The following TUT7 variants were observed in gnomAD, a reference collection of about 807,000 sequenced individuals.
TUT7 encodes terminal uridylyl transferase 7.
A neutral mutation model predicts 165.9 loss-of-function variants in TUT7; 33 were observed. The ratio of observed to expected loss-of-function variants is 0.20; its 90% confidence interval spans 0.15 to 0.27. The LOEUF is 0.27. Among genes scored for constraint, TUT7 ranks in the 10% least tolerant of loss-of-function variants. The pLI is 1.00. For synonymous variants in TUT7, 552 were observed against 608.1 expected (o/e 0.91, Z 1.36); for missense variants, 1,338 against 1,762.3 (o/e 0.76, Z 4.31).
In TUT7 at chr9:86,323,496, T is replaced by C. The variant is rs576337306; in HGVS notation, c.2254A>G (p.Lys752Glu). The C allele has an allele frequency of 5.0e-6, 8 of 1,614,256 alleles. No homozygotes were observed. The South Asian group carries it at 7.7e-5, about 16-fold the overall frequency. The change falls in exon 13 of 27, where the codon AAA becomes GAA. Residue 752 changes from lysine to glutamate, a missense_variant. Lys to Glu is a moderately conservative substitution (Grantham distance 56). Transcript: ENST00000375963. ...TTGCCCTTCCTTCCAACTTTCTCTT[T>C]CTCGTTTTTCCTTCCTGTTTCTGGA... Reference protein sequence around the residue: ...YHPETGRKNEKEKVGRKGKHL... With the variant: ...YHPETGRKNEEEKVGRKGKHL...
chr9:86,334,671 T>C (rs1410659541), intron 10 of TUT7, among the ~76,000 whole-genome samples: 1 of 152,206 alleles, frequency 6.6e-6, no homozygotes, highest in Admixed American at 6.5e-5. Context: ...GCTCCTTTCA[T>C]GCCAAACTAA....
At chr9:86,312,570 T>C (rs1286268540) in intron 17 of TUT7, among the ~76,000 whole-genome samples, 7 of 151,988 alleles carry the variant, frequency 4.6e-5, no homozygotes. Flanking sequence ...TACTGGGAAG[T>C]GAGGAGCCCC....
Position 86,322,343 on chromosome 9 carries a change from C to T in TUT7, c.3010G>A (p.Val1004Ile). The change falls in exon 14 of 27, where the codon GTC becomes ATC. Residue 1004 changes from valine (V) to isoleucine (I), a missense_variant. Physicochemically the swap from Val to Ile is conservative, Grantham distance 29. Coordinates refer to ENST00000375963, the MANE Select transcript of TUT7 (RefSeq NM_024617.4). ...AACTTACTATAACACTGGATACAGA[C>T]TTGATCTAAGATATTTAAAAACTTG... ...TPKFLNILDQ[V>I]CIQCYKDFSP... 6.2e-7 allele frequency: 1 copy of T among 1,613,596 alleles called. No homozygotes were observed. The highest frequency in any genetic ancestry group is 8.5e-7 in the Non-Finnish European group (1 of 1,179,770).
Position 86,353,035 on chromosome 9 carries a change from C to G in TUT7, c.165G>C (p.Lys55Asn). 2 of 1,614,124 alleles carry G rather than the reference C, an allele frequency of 1.2e-6. No homozygotes were observed. Among genetic ancestry groups the G allele is most frequent in the Middle Eastern group, 1.6e-4 (1 of 6,062 alleles). Residue 55 changes from lysine to asparagine, a missense_variant, in exon 2 of 27, where the codon AAG (lysine) becomes AAC (asparagine). By Grantham distance (94) the Lys-to-Asn change is moderately conservative. This residue lies in a region of TUT7 where 434 missense variants were observed against 480.8 expected (regional missense o/e 0.90). Coordinates refer to ENST00000375963, the MANE Select transcript of TUT7 (RefSeq NM_024617.4). ...TATTCCCATAGTTCCCTGGTGTTAT[C>G]TTCTTTTTTTGAAGGCCCTTTTCCA... is the stretch of plus-strand genomic sequence containing the variant. ...SKMEKGLQKKKITPGNYGNTP... is the reference protein window; with the variant it reads ...SKMEKGLQKKNITPGNYGNTP...
At position 86,323,248 on chromosome 9, in the gene TUT7, T is replaced by A. The variant is rs775069371; in HGVS notation, c.2502A>T (p.Val834=). The change falls in exon 13 of 27, where the codon GTA becomes GTT. Residue 834 remains valine (V), a synonymous_variant. Transcript: ENST00000375963. The part of the protein sequence containing the change: ...EDSLNHFTHS[V]QGQTSEMIPS... The stretch of plus-strand genomic sequence containing the variant: ...GAATCATTTCTGATGTCTGGCCCTG[T>A]ACTGAGTGGGTAAAGTGGTTTAGAG... The A allele has an allele frequency of 6.2e-7, 1 of 1,614,150 alleles. No individual in the cohort carries two copies. Among genetic ancestry groups the A allele is most frequent in the Non-Finnish European group, 8.5e-7 (1 of 1,180,032 alleles).
chr9:86,318,895 G>T, intron 16 of TUT7, 63 bp downstream of exon 16: 2 of 1,314,064 alleles, frequency 1.5e-6, no homozygotes, highest in Non-Finnish European at 2.2e-6. Context: ...AAGCTGTAAT[G>T]CCAGTCTAGA....
chr9:86,350,382 A>G (rs928136455), intron 2 of TUT7, among the ~76,000 whole-genome samples: 9 of 152,252 alleles, frequency 5.9e-5, no homozygotes, highest in African/African-American at 1.9e-4. Context: ...ATCAACTTCT[A>G]CAAGACTATA....
At chr9:86,297,718 A>G (rs1826460065) in intron 26 of TUT7, among the ~76,000 whole-genome samples, 1 of 152,186 alleles carries the variant, frequency 6.6e-6, no homozygotes, top group Middle Eastern at 3.4e-3. Flanking sequence ...GCCTCCACAC[A>G]GGAGCCATAA....
At chr9:86,296,429 GT>G (rs1826323610) in intron 26 of TUT7, among the ~76,000 whole-genome samples, 1 of 152,216 alleles carries the variant, frequency 6.6e-6, no homozygotes, top group Admixed American at 6.5e-5. Flanking sequence ...AAGGCATTAT[GT>G]GTGGGGGATA....
chr9:86,291,633 C>T (rs1564017665), intron 26 of TUT7, among the ~76,000 whole-genome samples: 1 of 149,652 alleles, frequency 6.7e-6, no homozygotes, highest in African/African-American at 2.5e-5. Flanking sequence ...TACAAATACA[C>T]ATGAGAACAA....
Position 86,311,483 on chromosome 9 carries a change from A to G in TUT7, c.3275-674T>C, listed in dbSNP as rs1828044865. Among the ~76,000 whole-genome samples the G allele has an allele frequency of 6.6e-6, 1 of 152,188 alleles. No homozygotes were observed. Among genetic ancestry groups the G allele is most frequent in the Admixed American group, 6.5e-5 (1 of 15,284 alleles). ...TGCCGAATGAACTTGAGGGAATGGA[A>G]TATGAGGCATAGGAGATGGTGGAGA... On this transcript the variant is annotated intron_variant, in intron 17 of 26. Coordinates refer to ENST00000375963, the MANE Select transcript of TUT7 (RefSeq NM_024617.4). This position sits in a 1 kb window ranked among gnomAD's most constrained non-coding sequence, Gnocchi z 4.4.
At chr9:86,319,747 T>G in intron 14 of TUT7, 77 bp from the exon 15 acceptor site, 1 of 993,470 alleles carries the variant, frequency 1.0e-6, no homozygotes, top group Non-Finnish European at 1.5e-6. Flanking sequence ...AAATTTATTT[T>G]TTAGAAAATA....
chr9:86,340,133 G>T (rs779825489), intron 7 of TUT7, 28 bp from the exon 8 acceptor site: 3 of 1,585,170 alleles, frequency 1.9e-6, no homozygotes, highest in East Asian at 4.5e-5. Flanking sequence ...AAAATATTAA[G>T]TTGGTTAATT....
intron 5 of TUT7, among the ~76,000 whole-genome samples, chr9:86,343,730 T>A (rs1831512957): frequency 6.6e-6 from 1 of 152,186 alleles, no homozygotes; most frequent in African/African-American, 2.4e-5. Flanking sequence ...AAAATCCCAA[T>A]AAACTTTTGA....
chr9:86,294,191 C>G (rs529543130), intron 26 of TUT7, among the ~76,000 whole-genome samples: 1 of 151,368 alleles, frequency 6.6e-6, no homozygotes, highest in East Asian at 1.9e-4. Context: ...TCTAATTCCC[C>G]TTTCACAATT....
intron 25 of TUT7, 75 bp from the exon 26 acceptor site, chr9:86,301,676 T>C: frequency 9.8e-6 from 15 of 1,526,482 alleles, no homozygotes; most frequent in Non-Finnish European, 1.3e-5. Flanking sequence ...TCCCAAAATA[T>C]TAAGGCAATT....
chr9:86,347,309 T>C (rs761285346), intron 2 of TUT7, among the ~76,000 whole-genome samples: 6 of 152,244 alleles, frequency 3.9e-5, no homozygotes, highest in Non-Finnish European at 7.3e-5. Flanking sequence ...TTTTAAAACT[T>C]ATAACTTTTC....
At chr9:86,307,332 G>A (rs1485973984) in intron 22 of TUT7, among the ~76,000 whole-genome samples, 1 of 151,572 alleles carries the variant, frequency 6.6e-6, no homozygotes, top group Non-Finnish European at 1.5e-5. Context: ...CAGTGATAAC[G>A]AAAAGGCGTA....
chr9:86,304,596 A>AG (rs1016356058), intron 24 of TUT7, among the ~76,000 whole-genome samples: 1 of 152,146 alleles, frequency 6.6e-6, no homozygotes, highest in Admixed American at 6.5e-5. Context: ...ACAGATAACC[A>AG]GAAAAAAAAA....
Sources: gnomAD v4.1 joint callset for allele counts (sites outside exome capture counted in the v4.1 genomes callset) on GRCh38, gnomAD v4.1.1 for gene constraint, gnomAD v4.1.1 regional missense constraint, Gnocchi (gnomAD v3.1) non-coding constraint, MANE v1.5 for transcripts, NCBI Gene and HGNC (gene_info 2026-07-23, HGNC 2026-07-21) for gene names.